Variants in CSMD1 observed in about 807,000 individuals in gnomAD.
CSMD1 encodes the protein CUB and Sushi multiple domains 1, also known as CUB and sushi domain-containing protein 1.
CSMD1 carries 213 observed loss-of-function variants against 417.5 expected under a neutral mutation model. That is an observed-to-expected ratio of 0.51 (90% CI 0.46 to 0.57). The LOEUF (loss-of-function observed/expected upper bound fraction) is 0.57. Ranked by LOEUF, CSMD1 falls within the 20% of genes least tolerant of loss-of-function variation. The pLI is 0.00. For missense variants in CSMD1, 6,923 were observed against 4,529.7 expected, an observed-to-expected ratio of 1.53 and a Z score of -15.17; for synonymous variants, 2,862 against 1,736.8, an observed-to-expected ratio of 1.65 and a Z score of -16.11.
At chr8:4,697,497 G>C (rs190343300) in intron 1 of CSMD1, among the ~76,000 whole-genome samples, 2 of 152,216 alleles carry the variant, frequency 1.3e-5, no homozygotes, top group Admixed American at 6.5e-5. Context: ...ATATTCCTTT[G>C]GCTTTAGGTG....
intron 1 of CSMD1, among the ~76,000 whole-genome samples, chr8:4,888,218 A>G (rs1209576992): frequency 6.6e-6 from 1 of 152,088 alleles, no homozygotes; most frequent in African/African-American, 2.4e-5. Context: ...GAAAGAAAAA[A>G]TAGAAAGAAA....
At chr8:3,986,792 G>A (rs556300294) in intron 5 of CSMD1, among the ~76,000 whole-genome samples, 1 of 151,928 alleles carries the variant, frequency 6.6e-6, no homozygotes, top group African/African-American at 2.4e-5. Flanking sequence ...GTCTCACCCT[G>A]TTGCCCAGGC....
At chr8:3,056,655 C>G (rs1242520951) in intron 49 of CSMD1, among the ~76,000 whole-genome samples, 8 of 152,152 alleles carry the variant, frequency 5.3e-5, no homozygotes, top group African/African-American at 1.9e-4. Flanking sequence ...CAAGCATGAG[C>G]CACTGTGCCT....
At chr8:4,482,043 C>T (rs762760933) in intron 2 of CSMD1, among the ~76,000 whole-genome samples, 47 of 152,166 alleles carry the variant, frequency 3.1e-4, no homozygotes, top group Non-Finnish European at 5.9e-4. Flanking sequence ...CCTTCCATGG[C>T]CACCTTTATG....
intron 12 of CSMD1, among the ~76,000 whole-genome samples, chr8:3,414,564 A>G (rs1183773727): frequency 6.6e-6 from 1 of 151,572 alleles, no homozygotes; most frequent in Non-Finnish European, 1.5e-5. Flanking sequence ...CAGCCAAACT[A>G]TTTTCTCAAA....
chr8:3,307,870 G>A (rs747881973), intron 24 of CSMD1, 49 bp from the exon 25 acceptor site: 2 of 1,583,688 alleles, frequency 1.3e-6, no homozygotes, highest in Non-Finnish European at 8.6e-7. Flanking sequence ...GGCATCACAT[G>A]TTTCTATTTA....
chr8:4,979,401 C>T (rs776439354), intron 1 of CSMD1, among the ~76,000 whole-genome samples: 3 of 152,130 alleles, frequency 2.0e-5, no homozygotes, highest in Non-Finnish European at 4.4e-5. Context: ...TCCACGGCCA[C>T]ACTATGAGGA....
intron 3 of CSMD1, among the ~76,000 whole-genome samples, chr8:4,410,819 T>C (rs1410218427): frequency 6.6e-6 from 1 of 152,188 alleles, no homozygotes; most frequent in African/African-American, 2.4e-5. Context: ...TGAATATGGT[T>C]TGTCTCCACC....
chr8:4,829,547 G>T (rs1405286141), intron 1 of CSMD1, among the ~76,000 whole-genome samples: 1 of 152,028 alleles, frequency 6.6e-6, no homozygotes, highest in East Asian at 1.9e-4. Context: ...TTCAAGAGCA[G>T]TCTGGGCAAC....
chr8:4,322,217 T>C (rs1329752949), intron 3 of CSMD1, among the ~76,000 whole-genome samples: 2 of 152,230 alleles, frequency 1.3e-5, no homozygotes, highest in Non-Finnish European at 1.5e-5. Context: ...TCCATATAGA[T>C]AATTCACATG....
At chr8:3,733,567 G>A (rs1796377723) in intron 6 of CSMD1, among the ~76,000 whole-genome samples, 1 of 151,966 alleles carries the variant, frequency 6.6e-6, no homozygotes, top group South Asian at 2.1e-4. Flanking sequence ...TAAGTTGCGG[G>A]CCATTCTTCG....
intron 1 of CSMD1, among the ~76,000 whole-genome samples, chr8:4,807,909 G>A (rs759363939): frequency 3.9e-5 from 6 of 152,126 alleles, no homozygotes; most frequent in Non-Finnish European, 7.4e-5. Flanking sequence ...GGAAGTACAA[G>A]CTCTCTTTCT....
intron 5 of CSMD1, among the ~76,000 whole-genome samples, chr8:3,923,691 T>C (rs867103387): frequency 5.3e-5 from 8 of 152,196 alleles, no homozygotes; most frequent in African/African-American, 1.9e-4. Context: ...GTAGTCACCA[T>C]GCTGTACAAT....
intron 1 of CSMD1, among the ~76,000 whole-genome samples, chr8:4,906,685 T>C (rs1405478873): frequency 2.6e-5 from 4 of 152,102 alleles, no homozygotes; most frequent in African/African-American, 9.7e-5. Flanking sequence ...GTCTCCCGAG[T>C]AGCTGGGACT....
At chr8:3,958,631 A>G (rs1812127141) in intron 5 of CSMD1, among the ~76,000 whole-genome samples, 1 of 152,168 alleles carries the variant, frequency 6.6e-6, no homozygotes, top group South Asian at 2.1e-4. Flanking sequence ...GAGGTCCACC[A>G]CATATTGTAA....
In CSMD1 at chr8:4,726,286, A is replaced by G. The variant is rs536242356; in HGVS notation, c.86-88728T>C. 6.9e-4 allele frequency among the ~76,000 whole-genome samples: 105 copies of G among 152,084 alleles called. 1 individual carries two copies. Among genetic ancestry groups the G allele is most frequent in the African/African-American group, 2.5e-3 (102 of 41,484 alleles). On this transcript the variant is annotated intron_variant, in intron 1 of 69. Transcript: ENST00000635120. ...CCCCGCTTCTTTGATCCTTTGTAGT[A>G]ATGGCGACTAAGTGGGTAGCGGGTT...
intron 51 of CSMD1, among the ~76,000 whole-genome samples, chr8:3,020,853 C>G (rs1338960176): frequency 5.3e-5 from 8 of 152,184 alleles, no homozygotes; most frequent in Non-Finnish European, 7.3e-5. Flanking sequence ...GATTGCTAAA[C>G]TATTACAGTG....
intron 23 of CSMD1, among the ~76,000 whole-genome samples, chr8:3,324,333 TCAC>T (rs1806370263): frequency 1.3e-5 from 2 of 149,936 alleles, no homozygotes; most frequent in African/African-American, 2.5e-5. Context: ...CCACTAGTCG[TCAC>T]TGTTAAAATA....
intron 5 of CSMD1, among the ~76,000 whole-genome samples, chr8:3,950,309 A>C (rs754711690): frequency 2.6e-5 from 4 of 152,174 alleles, no homozygotes; most frequent in Non-Finnish European, 5.9e-5. Flanking sequence ...CTCCAGTTTG[A>C]TAGTTTCCAA....
Sources: allele counts gnomAD v4.1 joint callset (sites outside exome capture counted in the v4.1 genomes callset), GRCh38; gene constraint gnomAD v4.1.1; transcripts MANE v1.5; gene names NCBI Gene and HGNC (gene_info 2026-07-23, HGNC 2026-07-21).